RPS6KC1: variants seen among roughly 807,000 people sequenced by gnomAD.
RPS6KC1 encodes ribosomal protein S6 kinase C1.
In RPS6KC1, 54 loss-of-function variants were observed where a neutral mutation model predicts 103.8. The observed-to-expected ratio is 0.52, with a 90% CI of 0.42 to 0.65. RPS6KC1 has a LOEUF of 0.65. Among genes scored for constraint, RPS6KC1 ranks in the 30% least tolerant of loss-of-function variants. RPS6KC1 has a pLI of 0.00. For synonymous variants in RPS6KC1, 439 were observed against 438.7 expected, an observed-to-expected ratio of 1.00 and a Z score of -0.01; for missense variants, 1,151 against 1,253.8, an observed-to-expected ratio of 0.92 and a Z score of 1.24.
chr1:213,854,434 A>G, the RPS6KC1 span, among the ~76,000 whole-genome samples: 1 of 152,188 alleles, frequency 6.6e-6, no homozygotes, highest in Admixed American at 6.5e-5. Context: ...TTTAGGAGAC[A>G]TGCATTTTAT....
At chr1:213,063,348 T>C (rs1572274553) in intron 1 of RPS6KC1, among the ~76,000 whole-genome samples, 1 of 152,212 alleles carries the variant, frequency 6.6e-6, no homozygotes, top group East Asian at 1.9e-4. Context: ...AGAGAGCACT[T>C]TGGAGTCATG....
chr1:213,491,216 GTTA>G, the RPS6KC1 span, among the ~76,000 whole-genome samples: 1 of 152,252 alleles, frequency 6.6e-6, no homozygotes, highest in African/African-American at 2.4e-5. Flanking sequence ...CATTAAGTAA[GTTA>G]TTAGGCTGGT....
the RPS6KC1 span, among the ~76,000 whole-genome samples, chr1:213,301,013 T>C: frequency 6.6e-6 from 1 of 152,138 alleles, no homozygotes; most frequent in Non-Finnish European, 1.5e-5. Context: ...CCCTGAGCCT[T>C]TCTGGGGCTC....
the RPS6KC1 span, among the ~76,000 whole-genome samples, chr1:213,816,409 C>T: frequency 2.6e-5 from 4 of 152,156 alleles, no homozygotes; most frequent in East Asian, 1.9e-4. Context: ...TACTGTGTTT[C>T]GAAGACCACC....
the RPS6KC1 span, among the ~76,000 whole-genome samples, chr1:213,450,033 A>C: frequency 6.6e-6 from 1 of 152,174 alleles, no homozygotes; most frequent in Non-Finnish European, 1.5e-5. Flanking sequence ...AGTTGCCTTC[A>C]TGTTTGCAAC....
chr1:213,323,448 T>C, the RPS6KC1 span, among the ~76,000 whole-genome samples: 4 of 152,166 alleles, frequency 2.6e-5, no homozygotes, highest in Non-Finnish European at 5.9e-5. Flanking sequence ...GCCACACATC[T>C]TGGACCAATT....
At chr1:213,674,697 T>C in the RPS6KC1 span, among the ~76,000 whole-genome samples, 3 of 152,192 alleles carry the variant, frequency 2.0e-5, no homozygotes, top group Non-Finnish European at 4.4e-5. Flanking sequence ...AGTTATATTT[T>C]ACTTCTCCAG....
chr1:213,112,500 A>AT (rs543879407), intron 4 of RPS6KC1, among the ~76,000 whole-genome samples: 2 of 151,196 alleles, frequency 1.3e-5, no homozygotes, highest in Non-Finnish European at 1.5e-5. Flanking sequence ...AAGTACCTTA[A>AT]TTTTTTTTGT....
At chr1:213,325,601 G>A in the RPS6KC1 span, among the ~76,000 whole-genome samples, 28 of 152,328 alleles carry the variant, frequency 1.8e-4, no homozygotes, top group African/African-American at 6.7e-4. Flanking sequence ...GCCCTGGGGG[G>A]CCTGAGGGGT....
the RPS6KC1 span, among the ~76,000 whole-genome samples, chr1:213,638,283 G>C: frequency 6.6e-6 from 1 of 151,772 alleles, no homozygotes; most frequent in Non-Finnish European, 1.5e-5. Flanking sequence ...TAAATGTTTT[G>C]TTTGAATTGT....
the RPS6KC1 span, among the ~76,000 whole-genome samples, chr1:213,851,282 T>C: frequency 1.6e-4 from 25 of 152,318 alleles, no homozygotes; most frequent in African/African-American, 5.8e-4. Context: ...CATTCCATCA[T>C]CTCTGTATCA....
At chr1:213,778,046 G>A in the RPS6KC1 span, among the ~76,000 whole-genome samples, 17 of 152,264 alleles carry the variant, frequency 1.1e-4, no homozygotes, top group South Asian at 4.2e-4. Context: ...AGGGTACTCA[G>A]GCAGTCTGAA....
the RPS6KC1 span, among the ~76,000 whole-genome samples, chr1:213,719,266 C>T: frequency 2.0e-5 from 3 of 152,162 alleles, no homozygotes; most frequent in Non-Finnish European, 2.9e-5. Context: ...TTATTTTATT[C>T]ATTTAATGAG....
chr1:213,261,084 G>A lies in RPS6KC1; in HGVS notation c.2912-474G>A, dbSNP rs116687661. ...AACTAGGTCTTCGTTCTCCTACAAT[G>A]TGACATTGGACAAGGCATTTCGTCT... On this transcript the variant is annotated intron_variant, in intron 12 of 14. Transcript: ENST00000366960. Among the ~76,000 whole-genome samples, 1,048 of 152,320 alleles carry A rather than the reference G, an allele frequency of 6.9e-3. 6 individuals are homozygous for A. Among genetic ancestry groups the A allele is most frequent in the South Asian group, 0.022 (104 of 4,822 alleles).
intron 1 of RPS6KC1, among the ~76,000 whole-genome samples, chr1:213,052,199 T>G (rs1037787002): frequency 6.6e-6 from 1 of 152,236 alleles, no homozygotes; most frequent in African/African-American, 2.4e-5. Flanking sequence ...AAAGAGAGTC[T>G]GCATCTTCTA....
chr1:213,193,293 C>T (rs770704773), intron 8 of RPS6KC1, among the ~76,000 whole-genome samples: 1 of 152,180 alleles, frequency 6.6e-6, no homozygotes, highest in East Asian at 1.9e-4. Context: ...GAGACTCGCT[C>T]TGTTGCCCAG....
chr1:213,777,447 A>G, the RPS6KC1 span, among the ~76,000 whole-genome samples: 17 of 152,270 alleles, frequency 1.1e-4, no homozygotes, highest in African/African-American at 4.1e-4. Flanking sequence ...AGCAGTCAGA[A>G]CACACACACT....
chr1:213,667,558 G>A, the RPS6KC1 span, among the ~76,000 whole-genome samples: 1 of 152,214 alleles, frequency 6.6e-6, no homozygotes, highest in South Asian at 2.1e-4. Flanking sequence ...TTGCCTTGAC[G>A]TTGATGGTTG....
the RPS6KC1 span, among the ~76,000 whole-genome samples, chr1:213,363,824 T>C: frequency 6.8e-6 from 1 of 147,598 alleles, no homozygotes; most frequent in African/African-American, 2.5e-5. Flanking sequence ...CTTCTCTCTT[T>C]TTTTTTTTTT....
Sources: gnomAD v4.1 joint callset for allele counts (sites outside exome capture counted in the v4.1 genomes callset) on GRCh38, gnomAD v4.1.1 for gene constraint, MANE v1.5 for transcripts, NCBI Gene and HGNC (gene_info 2026-07-23, HGNC 2026-07-21) for gene names.